MYH11: variants seen among roughly 807,000 people sequenced by gnomAD.
The protein encoded by MYH11 is myosin heavy chain 11.
Under a neutral mutation model 246.6 loss-of-function variants are expected in MYH11, and 80 were observed. The observed-to-expected ratio is 0.32, with a 90% CI of 0.27 to 0.39. MYH11 has a LOEUF of 0.39. Ranked by LOEUF, MYH11 falls within the 10% of genes least tolerant of loss-of-function variation. MYH11 has a pLI of 1.00. For synonymous variants in MYH11, 1,071 were observed against 1,015.5 expected, an observed-to-expected ratio of 1.05 and a Z score of -1.04; for missense variants, 2,158 against 2,546.8, an observed-to-expected ratio of 0.85 and a Z score of 3.29.
chr16:15,760,759 T>G, intron 10 of MYH11, 101 bp from the exon 11 acceptor site: 1 of 881,866 alleles, frequency 1.1e-6, no homozygotes, highest in South Asian at 1.3e-5. Flanking sequence ...TACAGCGGGT[T>G]CTCTTGGGGA....
Position 15,719,158 on chromosome 16 carries a change from A to G in MYH11, c.5171+62T>C, listed in dbSNP as rs949500120. 4 of 1,503,478 alleles carry G rather than the reference A, an allele frequency of 2.7e-6. No homozygotes were observed. The African/African-American group carries it at 5.5e-5, about 21-fold the overall frequency. 93.1% of individuals were successfully genotyped at this position (1,503,478 alleles called of 1,614,324 possible). On this transcript the variant is annotated intron_variant, in intron 36 of 40. Transcript: ENST00000300036. ...AATTTAAAAAATAAAATGGGGGTCG[A>G]GGATGCTGCCTGTCCCCCCATCCTC...
At chr16:15,735,813 T>C (rs1430281340) in intron 25 of MYH11, among the ~76,000 whole-genome samples, 3 of 152,318 alleles carry the variant, frequency 2.0e-5, no homozygotes, top group African/African-American at 7.2e-5. Context: ...TGTGTGTACG[T>C]GTGTATGCAC....
At chr16:15,716,324 T>TA (rs1300907346) in intron 38 of MYH11, among the ~76,000 whole-genome samples, 1 of 152,130 alleles carries the variant, frequency 6.6e-6, no homozygotes, top group Non-Finnish European at 1.5e-5. Flanking sequence ...GCCCTTGAAT[T>TA]ATACACTTTA....
intron 24 of MYH11, 69 bp from the exon 25 acceptor site, chr16:15,737,689 C>A: frequency 6.4e-7 from 1 of 1,570,132 alleles, no homozygotes; most frequent in Non-Finnish European, 8.7e-7. Context: ...AGCCTTCCTG[C>A]CCAGGCATTT....
chr16:15,817,753 C>T (rs2043298171), intron 3 of MYH11, among the ~76,000 whole-genome samples: 1 of 152,066 alleles, frequency 6.6e-6, no homozygotes, highest in South Asian at 2.1e-4. Context: ...TACTAGTCAA[C>T]CCCTCTAAAC....
At chr16:15,839,377 C>T (rs1041541781) in intron 1 of MYH11, among the ~76,000 whole-genome samples, 2 of 152,054 alleles carry the variant, frequency 1.3e-5, no homozygotes, top group African/African-American at 2.4e-5. Context: ...CTGGTGCAAA[C>T]GTAAGTGTGG....
At chr16:15,761,819 A>C (rs2041874070) in intron 10 of MYH11, among the ~76,000 whole-genome samples, 1 of 152,180 alleles carries the variant, frequency 6.6e-6, no homozygotes. Flanking sequence ...CTAATACATA[A>C]CAAACACCTG....
intron 3 of MYH11, among the ~76,000 whole-genome samples, chr16:15,819,280 G>T (rs1434094234): frequency 6.6e-6 from 1 of 152,182 alleles, no homozygotes; most frequent in Non-Finnish European, 1.5e-5. Flanking sequence ...AGACCATGAG[G>T]AATCAAATAT....
At position 15,823,343 on chromosome 16, in the gene MYH11, G is replaced by C. The variant is rs1162127083; in HGVS notation, c.414C>G (p.Ile138Met). The part of the protein sequence containing the change: ...YKHLPIYSEK[I>M]VDMYKGKKRH... The stretch of plus-strand genomic sequence containing the variant: ...TCTTCTTGCCCTTGTACATGTCGAC[G>C]ATCTTCTCCGAGTAGATGGGCAGGT... The change falls in exon 3 of 41, where the codon ATC becomes ATG. Residue 138 changes from isoleucine (I) to methionine (M), a missense_variant. By Grantham distance (10) the Ile-to-Met change is conservative (BLOSUM62 1). Transcript: ENST00000300036. 6 of 1,614,046 alleles carry C rather than the reference G, an allele frequency of 3.7e-6. No individual in the cohort carries two copies. Among genetic ancestry groups the C allele is most frequent in the Non-Finnish European group, 4.2e-6 (5 of 1,180,052 alleles).
chr16:15,851,697 C>T (rs2044333841), intron 1 of MYH11, among the ~76,000 whole-genome samples: 1 of 152,130 alleles, frequency 6.6e-6, no homozygotes, highest in Non-Finnish European at 1.5e-5. Flanking sequence ...AATGGTGAAC[C>T]TGTCACATTC....
intron 40 of MYH11, chr16:15,711,262 C>T (rs1465707920): frequency 6.6e-6 from 1 of 152,222 alleles, no homozygotes; most frequent in Admixed American, 6.5e-5. Flanking sequence ...GGCATGCCAT[C>T]CGCTAACTGA....
intron 1 of MYH11, among the ~76,000 whole-genome samples, chr16:15,852,538 C>A (rs756279729): frequency 1.3e-5 from 2 of 151,892 alleles, no homozygotes; most frequent in Non-Finnish European, 2.9e-5. Flanking sequence ...TAGCAGAGAC[C>A]ATGTTGGCCA....
At chr16:15,823,230 C>A (rs772989351) in intron 3 of MYH11, 25 bp downstream of exon 3, 11 of 1,613,520 alleles carry the variant, frequency 6.8e-6, no homozygotes, top group Non-Finnish European at 9.3e-6. Context: ...TGGAGCTGGC[C>A]CCGTGCAGCC....
Position 15,821,658 on chromosome 16 carries a change from C to CCTGTA in MYH11, c.502+1592_502+1596dup, listed in dbSNP as rs2043413249. ...GAATTGCTGGGTATGGTGGCTTATG[C>CCTGTA]CTGTAATCCCAGCACTTTGGGAGGC... On this transcript the variant is annotated intron_variant, in intron 3 of 40. Transcript: ENST00000300036. 3.3e-5 allele frequency among the ~76,000 whole-genome samples: 5 copies of CCTGTA among 151,120 alleles called. No homozygotes were observed. The East Asian group carries it at 9.7e-4, about 29-fold the overall frequency.
chr16:15,748,287 C>A (rs984158701), intron 16 of MYH11, 119 bp from the exon 17 acceptor site: 2 of 1,528,174 alleles, frequency 1.3e-6, no homozygotes, highest in Non-Finnish European at 1.8e-6. Flanking sequence ...AACAGAAGCA[C>A]CCAAGGAGGG....
chr16:15,747,593 C>G lies in MYH11; in HGVS notation c.2388G>C (p.Met796Ile). The change falls in exon 19 of 41, where the codon ATG becomes ATC. Residue 796 changes from methionine (M) to isoleucine (I), a missense_variant. By Grantham distance (10) the Met-to-Ile change is conservative. This residue lies in a region of MYH11 where 90 missense variants were observed against 144.2 expected (regional missense o/e 0.62). Coordinates refer to ENST00000300036, the MANE Select transcript of MYH11 (RefSeq NM_002474.3). ...ACTTTCTGGCCAAGTAGCCACGACA[C>G]ATCGCCTGGAAGGCCATGATGACAT... Reference protein sequence around the residue: ...ITDVIMAFQAMCRGYLARKAF... With the variant: ...ITDVIMAFQAICRGYLARKAF... The G allele has an allele frequency of 6.2e-7, 1 of 1,614,142 alleles. No individual in the cohort carries two copies.
intron 9 of MYH11, among the ~76,000 whole-genome samples, chr16:15,768,556 G>A (rs753692521): frequency 4.6e-5 from 7 of 152,128 alleles, no homozygotes; most frequent in Non-Finnish European, 7.3e-5. Context: ...ATGAGAGTTC[G>A]TCATTTGCAC....
intron 14 of MYH11, among the ~76,000 whole-genome samples, chr16:15,755,770 A>G (rs2151272116): frequency 6.6e-6 from 1 of 152,278 alleles, no homozygotes. Context: ...CTTCTCTACT[A>G]AAAATACAAA....
At chr16:15,753,938 G>T (rs114191269) in intron 14 of MYH11, among the ~76,000 whole-genome samples, 2 of 152,030 alleles carry the variant, frequency 1.3e-5, no homozygotes, top group South Asian at 4.1e-4. Context: ...AAGCGTGGTG[G>T]TTCACACTGG....
Sources: gnomAD v4.1 joint callset for allele counts (sites outside exome capture counted in the v4.1 genomes callset) on GRCh38, gnomAD v4.1.1 for gene constraint, gnomAD v4.1.1 regional missense constraint, MANE v1.5 for transcripts, NCBI Gene and HGNC (gene_info 2026-07-23, HGNC 2026-07-21) for gene names.